The following PXN variants were observed in gnomAD, a reference collection of about 807,000 sequenced individuals.
PXN encodes testicular tissue protein Li 134.
Under a neutral mutation model 103.6 loss-of-function variants are expected in PXN, and 61 were observed. The observed-to-expected ratio is 0.59, with a 90% CI of 0.48 to 0.73. The LOEUF is 0.73. Ranked by LOEUF, PXN falls within the 30% of genes least tolerant of loss-of-function variation. The pLI, the probability that PXN is intolerant of heterozygous loss-of-function variation, is 0.00. For synonymous variants in PXN, 562 were observed against 607.8 expected (o/e 0.92, Z 1.11); for missense variants, 1,274 against 1,460.3 (o/e 0.87, Z 2.08).
At position 120,219,155 on chromosome 12, in the gene PXN, C is replaced by T. The variant is rs967903859; in HGVS notation, c.1716+52G>A. On this transcript the variant is annotated intron_variant, in intron 7 of 14. Coordinates refer to ENST00000637617, the MANE Select transcript of PXN (RefSeq NM_001385981.1). This position sits in a 1 kb window ranked among gnomAD's most constrained non-coding sequence, Gnocchi z 6.5. ...CATGCAGTTAGCGAGGAGCGGCCCACACTCAGACCCGCCAATGGCCATGCC... is the reference window on the plus strand; with the variant it reads ...CATGCAGTTAGCGAGGAGCGGCCCATACTCAGACCCGCCAATGGCCATGCC... 3.4e-6 allele frequency: 5 copies of T among 1,469,834 alleles called. No homozygotes were observed. Among genetic ancestry groups the T allele is most frequent in the South Asian group, 1.3e-5 (1 of 75,842 alleles). 91.0% of individuals were successfully genotyped at this position (1,469,834 alleles called of 1,614,324 possible).
intron 1 of PXN, chr12:120,249,874 C>T: frequency 2.0e-6 from 2 of 985,544 alleles, no homozygotes; most frequent in Non-Finnish European, 2.4e-6. Flanking sequence ...ATCCCAACAG[C>T]TACCTCACCT....
At position 120,225,054 on chromosome 12, in the gene PXN, C is replaced by T. The variant is rs997824177; in HGVS notation, c.14-677G>A. The T allele has an allele frequency of 7.7e-6, 2 of 259,700 alleles. No individual in the cohort carries two copies. The highest frequency in any genetic ancestry group is 9.3e-5 in the Admixed American group (2 of 21,584). The allele number at this position is 259,700 out of a possible 1,614,324, so 16.1% of individuals were successfully genotyped here. A position where few individuals can be genotyped will look rare whatever the true frequency, so the allele number is the denominator to read the frequency against. On this transcript the variant is annotated intron_variant, in intron 1 of 14. Coordinates refer to ENST00000637617, the MANE Select transcript of PXN (RefSeq NM_001385981.1). This position sits in a 1 kb window ranked among gnomAD's most constrained non-coding sequence, Gnocchi z 4.4. ...TTTCTGCGGAAGTCTGGCAAGCAGC[C>T]CGGCCCCAGAGGCTCCAGGCCCCCA... is the stretch of plus-strand genomic sequence containing the variant.
intron 1 of PXN, among the ~76,000 whole-genome samples, chr12:120,258,703 A>G (rs755305027): frequency 6.6e-6 from 1 of 152,220 alleles, no homozygotes; most frequent in Non-Finnish European, 1.5e-5. Flanking sequence ...CACTTTGTGT[A>G]AACGCATGGC....
intron 1 of PXN, among the ~76,000 whole-genome samples, chr12:120,257,533 C>T (rs145545309): frequency 6.8e-4 from 103 of 152,246 alleles, no homozygotes; most frequent in African/African-American, 2.2e-3. Flanking sequence ...GCTGGCTGCC[C>T]GAAATGTTTC....
At position 120,265,701 on chromosome 12, in the gene PXN, A is replaced by G; in HGVS notation, c.-72T>C. ...CGGGGCCGCTCGTCTATGCCCCGCA[A>G]CTTTTCCGCCGCGAGCCTCGGCCCG... On this transcript the variant is annotated 5_prime_UTR_variant, in exon 1 of 15. Coordinates refer to ENST00000637617, the MANE Select transcript of PXN (RefSeq NM_001385981.1). The surrounding 1 kb of genome is among the most constrained non-coding windows in gnomAD (Gnocchi z 5.7). 1.3e-5 allele frequency: 17 copies of G among 1,283,878 alleles called. No individual in the cohort carries two copies. Among genetic ancestry groups the G allele is most frequent in the Non-Finnish European group, 1.7e-5 (17 of 1,009,748 alleles). The allele number at this position is 1,283,878 out of a possible 1,614,324, so 79.5% of individuals were successfully genotyped here. A position where few individuals can be genotyped will look rare whatever the true frequency, so the allele number is the denominator to read the frequency against.
At chr12:120,258,678 CTGTCAT>C in intron 1 of PXN, among the ~76,000 whole-genome samples, 1 of 152,342 alleles carries the variant, frequency 6.6e-6, no homozygotes, top group East Asian at 1.9e-4. Context: ...GATTGAATGG[CTGTCAT>C]TGTTTTACCA....
At chr12:120,237,215 G>T (rs986451527) in intron 1 of PXN, among the ~76,000 whole-genome samples, 1 of 151,636 alleles carries the variant, frequency 6.6e-6, no homozygotes, top group Non-Finnish European at 1.5e-5. Context: ...CTGGGGTACA[G>T]TGGCATGATC....
intron 1 of PXN, among the ~76,000 whole-genome samples, chr12:120,253,818 CACA>C (rs1892582448): frequency 6.6e-6 from 1 of 152,170 alleles, no homozygotes; most frequent in Non-Finnish European, 1.5e-5. Context: ...ATAAGCCAGA[CACA>C]ACAAGAAAAA....
rs536359448 is a variant in PXN at position 120,214,860 on chromosome 12, G to T, written c.2713C>A (p.Pro905Thr). Residue 905 changes from proline to threonine, a missense_variant, in exon 12 of 15, where the codon CCG (proline) becomes ACG (threonine). Physicochemically the swap from Pro to Thr is conservative, Grantham distance 38. Around this residue, in one of 2 missense-constraint regions of PXN, gnomAD observed 1,178 missense variants for 1,309.0 expected, o/e 0.90. Coordinates refer to ENST00000637617, the MANE Select transcript of PXN (RefSeq NM_001385981.1). The surrounding 1 kb of genome is among the most constrained non-coding windows in gnomAD (Gnocchi z 5.0). ...GGGCCGTTGCAGTAGTAGCAGCGCG[G>T]GGAGAAGAGGTTGTGGTAGTCCTTT... ...CEKDYHNLFS[P>T]RCYYCNGPIL... 2.3e-5 allele frequency: 37 copies of T among 1,614,004 alleles called. 1 individual carries two copies. The South Asian group carries it at 4.1e-4, about 18-fold the overall frequency.
rs1370204766 is a variant in PXN at position 120,226,477 on chromosome 12, C to T, written c.14-2100G>A. The stretch of plus-strand genomic sequence containing the variant: ...ACAATGCTGGACTCTGATCTCAGGT[C>T]TCTTGGACTCCAAACACCCAACAGA... On this transcript the variant is annotated intron_variant, in intron 1 of 14. Transcript: ENST00000637617. The T allele has an allele frequency of 5.5e-6, 7 of 1,279,170 alleles. No individual in the cohort carries two copies. The African/African-American group carries it at 7.6e-5, about 14-fold the overall frequency. The allele number at this position is 1,279,170 out of a possible 1,614,324, so 79.2% of individuals were successfully genotyped here. A position where few individuals can be genotyped will look rare whatever the true frequency, so the allele number is the denominator to read the frequency against.
chr12:120,217,312 C>G lies in PXN; in HGVS notation c.1717-196G>C, dbSNP rs149454617. Among the ~76,000 whole-genome samples the G allele has an allele frequency of 6.6e-6, 1 of 152,084 alleles. No homozygotes were observed. The highest frequency in any genetic ancestry group is 1.5e-5 in the Non-Finnish European group (1 of 68,012). On this transcript the variant is annotated intron_variant, in intron 7 of 14. Coordinates refer to ENST00000637617, the MANE Select transcript of PXN (RefSeq NM_001385981.1). This position sits in a 1 kb window ranked among gnomAD's most constrained non-coding sequence, Gnocchi z 4.1. The stretch of plus-strand genomic sequence containing the variant: ...GTAGAGGCAAGGGGAGGGGGCAGAT[C>G]GGACTGGCTCCAGAAGCACAGGCTG...
chr12:120,215,403 CA>C lies in PXN; in HGVS notation c.2404-131del, dbSNP rs757522287. On this transcript the variant is annotated intron_variant, in intron 10 of 14. Transcript: ENST00000637617. This position sits in a 1 kb window ranked among gnomAD's most constrained non-coding sequence, Gnocchi z 4.9. ...TGGAGACAAGAAGTACAACCTCCTCCAGGGGCCAGGAGCCCTAAAGTGGGAG... is the reference window on the plus strand; with the variant it reads ...TGGAGACAAGAAGTACAACCTCCTCCGGGGCCAGGAGCCCTAAAGTGGGAG... 2 of 1,454,778 alleles carry C rather than the reference CA, an allele frequency of 1.4e-6. No homozygotes were observed. The highest frequency in any genetic ancestry group is 1.4e-5 in the South Asian group (1 of 72,296). The allele number at this position is 1,454,778 out of a possible 1,614,324, so 90.1% of individuals were successfully genotyped here.
chr12:120,222,828 C>T lies in PXN; in HGVS notation c.493+35G>A. On this transcript the variant is annotated intron_variant, in intron 4 of 14. Coordinates refer to ENST00000637617, the MANE Select transcript of PXN (RefSeq NM_001385981.1). This position sits in a 1 kb window ranked among gnomAD's most constrained non-coding sequence, Gnocchi z 4.7. ...TAGAGGTCAGCAGATGGGCCCTGGG[C>T]CCTGGTAGACCCTGCCCCAGGGACC... 1 of 1,609,754 alleles carries T rather than the reference C, an allele frequency of 6.2e-7. No homozygotes were observed. The highest frequency in any genetic ancestry group is 2.2e-5 in the East Asian group (1 of 44,704).
At chr12:120,263,890 G>A (rs763421610) in intron 1 of PXN, among the ~76,000 whole-genome samples, 1 of 152,138 alleles carries the variant, frequency 6.6e-6, no homozygotes, top group Non-Finnish European at 1.5e-5. Context: ...GGGGACTGCC[G>A]AGAAGCAACA....
chr12:120,215,386 A>G lies in PXN; in HGVS notation c.2404-113T>C. On this transcript the variant is annotated intron_variant, in intron 10 of 14. Coordinates refer to ENST00000637617, the MANE Select transcript of PXN (RefSeq NM_001385981.1). The surrounding 1 kb of genome is among the most constrained non-coding windows in gnomAD (Gnocchi z 4.9). ...CTGGACAGATGAGCTGATGGAGACA[A>G]GAAGTACAACCTCCTCCAGGGGCCA... 5 of 1,464,288 alleles carry G rather than the reference A, an allele frequency of 3.4e-6. No individual in the cohort carries two copies. Among genetic ancestry groups the G allele is most frequent in the Non-Finnish European group, 3.6e-6 (4 of 1,108,362 alleles). The allele number at this position is 1,464,288 out of a possible 1,614,324, so 90.7% of individuals were successfully genotyped here.
chr12:120,231,379 A>C (rs1414093923), intron 1 of PXN, among the ~76,000 whole-genome samples: 1 of 152,222 alleles, frequency 6.6e-6, no homozygotes, highest in Non-Finnish European at 1.5e-5. Flanking sequence ...AGTGTCATTT[A>C]AATATTTAAT....
intron 1 of PXN, among the ~76,000 whole-genome samples, chr12:120,237,411 G>A (rs1236912799): frequency 6.6e-6 from 1 of 152,046 alleles, no homozygotes; most frequent in Non-Finnish European, 1.5e-5. Flanking sequence ...TTATTTTGGA[G>A]AAAATAAACT....
chr12:120,215,839 A>C lies in PXN; in HGVS notation c.2302-178T>G. On this transcript the variant is annotated intron_variant, in intron 9 of 14. Coordinates refer to ENST00000637617, the MANE Select transcript of PXN (RefSeq NM_001385981.1). This position sits in a 1 kb window ranked among gnomAD's most constrained non-coding sequence, Gnocchi z 4.9. ...AAAAAGAGCCCTGAGAGAGAGGCCT[A>C]GGGAGAAAGGAAGAAGGACAGGGAG... 7.7e-7 allele frequency: 1 copy of C among 1,297,192 alleles called. No individual in the cohort carries two copies. Among genetic ancestry groups the C allele is most frequent in the South Asian group, 1.7e-5 (1 of 57,734 alleles). 80.4% of individuals were successfully genotyped at this position (1,297,192 alleles called of 1,614,324 possible). A position where few individuals can be genotyped will look rare whatever the true frequency, so the allele number is the denominator to read the frequency against.
intron 1 of PXN, among the ~76,000 whole-genome samples, chr12:120,257,427 C>T (rs527456933): frequency 9.8e-5 from 15 of 152,344 alleles, no homozygotes; most frequent in African/African-American, 3.1e-4. Context: ...TCATAGTCCT[C>T]GCCAAGTGGC....
Sources: gnomAD v4.1 joint callset for allele counts (sites outside exome capture counted in the v4.1 genomes callset) on GRCh38, gnomAD v4.1.1 for gene constraint, gnomAD v4.1.1 regional missense constraint, Gnocchi (gnomAD v3.1) non-coding constraint, MANE v1.5 for transcripts, NCBI Gene and HGNC (gene_info 2026-07-23, HGNC 2026-07-21) for gene names.